Variants in ART3 observed in about 807,000 individuals in gnomAD.
ART3 encodes ecto-ADP-ribosyltransferase 3.
ART3 carries 49 observed loss-of-function variants against 48.5 expected under a neutral mutation model. The observed-to-expected ratio is 1.01, with a 90% CI of 0.80 to 1.28. The LOEUF is 1.28. Ranked by LOEUF, ART3 falls within the 50% of genes most tolerant of loss-of-function variation. ART3 has a pLI of 0.00. For missense variants in ART3, 438 were observed against 454.3 expected (o/e 0.96, Z 0.33); for synonymous variants, 145 against 157.2 (o/e 0.92, Z 0.58).
chr4:76,112,246 T>C, intron 11 of ART3, 140 bp from the exon 12 acceptor site: 1 of 1,022,972 alleles, frequency 9.8e-7, no homozygotes, highest in Non-Finnish European at 1.4e-6. Context: ...ATTTGAAAAT[T>C]GCTTTTGGCT....
chr4:76,054,451 G>C (rs1718484331), intron 1 of ART3, among the ~76,000 whole-genome samples: 1 of 152,086 alleles, frequency 6.6e-6, no homozygotes, highest in Non-Finnish European at 1.5e-5. Context: ...GGACAGGAAA[G>C]ATGTTTTTTG....
At chr4:76,066,381 CT>C (rs1719738017) in intron 1 of ART3, among the ~76,000 whole-genome samples, 1 of 152,098 alleles carries the variant, frequency 6.6e-6, no homozygotes, top group Admixed American at 6.5e-5. Context: ...GGTAGCTCCC[CT>C]CTGTGGGCAG....
chr4:76,081,664 G>A (rs963416955), intron 2 of ART3, among the ~76,000 whole-genome samples, 160 bp from the exon 3 acceptor site: 2 of 152,164 alleles, frequency 1.3e-5, no homozygotes, highest in African/African-American at 4.8e-5. Context: ...GTTATCAATA[G>A]CAATGGAATA....
Position 76,075,884 on chromosome 4 carries a change from A to C in ART3, c.-6A>C. ...AAATTTCTTTATTTTAATTTAGAAG[A>C]GAAAAATGAAGACGGGACATTTTGA... On this transcript the variant is annotated 5_prime_UTR_variant, in exon 2 of 12. Transcript: ENST00000355810. 6.2e-7 allele frequency: 1 copy of C among 1,609,876 alleles called. No homozygotes were observed. The highest frequency in any genetic ancestry group is 8.5e-7 in the Non-Finnish European group (1 of 1,177,908).
chr4:76,086,749 C>T (rs752097992), intron 3 of ART3, among the ~76,000 whole-genome samples: 3 of 152,158 alleles, frequency 2.0e-5, no homozygotes, highest in Admixed American at 1.3e-4. Flanking sequence ...AGGAAAGGTG[C>T]TCATTCTCAC....
chr4:76,077,428 G>A (rs1312682110), intron 2 of ART3, among the ~76,000 whole-genome samples: 4 of 151,992 alleles, frequency 2.6e-5, no homozygotes, highest in Non-Finnish European at 5.9e-5. Context: ...TGGACATTTG[G>A]GCTGTTTCCA....
At chr4:76,043,018 C>T (rs1296225216) in intron 1 of ART3, among the ~76,000 whole-genome samples, 8 of 151,810 alleles carry the variant, frequency 5.3e-5, no homozygotes, top group Non-Finnish European at 1.0e-4. Context: ...TACAGAGTGT[C>T]GACACAGAGG....
upstream of ART3, among the ~76,000 whole-genome samples, chr4:76,074,555 C>T (rs568479455): frequency 1.6e-4 from 25 of 152,170 alleles, no homozygotes; most frequent in Non-Finnish European, 2.9e-4. Flanking sequence ...TATGGCTTTA[C>T]AAGCCTCTTG....
chr4:76,015,019 T>TTAA (rs1732135294), intron 1 of ART3, among the ~76,000 whole-genome samples: 1 of 151,478 alleles, frequency 6.6e-6, no homozygotes, highest in Non-Finnish European at 1.5e-5. Context: ...CTAGGGGGAG[T>TTAA]TTATTACTAG....
intron 1 of ART3, among the ~76,000 whole-genome samples, chr4:76,043,427 C>T (rs999554970): frequency 5.9e-5 from 9 of 152,048 alleles, no homozygotes; most frequent in Non-Finnish European, 8.8e-5. Flanking sequence ...CTGCAGGTCC[C>T]GAGCCCTGCC....
chr4:76,022,773 T>TA, intron 1 of ART3: 1 of 1,613,142 alleles, frequency 6.2e-7, no homozygotes, highest in Non-Finnish European at 8.5e-7. Context: ...GGTTGATTAC[T>TA]AATGCTGATG....
chr4:76,045,456 T>C (rs1408317321), intron 1 of ART3, among the ~76,000 whole-genome samples: 1 of 151,956 alleles, frequency 6.6e-6, no homozygotes, highest in Non-Finnish European at 1.5e-5. Context: ...ATCCTTTCCT[T>C]GTATTATTTT....
At chr4:76,045,604 A>C (rs1486105592) in intron 1 of ART3, among the ~76,000 whole-genome samples, 1 of 151,996 alleles carries the variant, frequency 6.6e-6, no homozygotes, top group Non-Finnish European at 1.5e-5. Flanking sequence ...GGACTCCAAG[A>C]GCTATCTTGG....
At chr4:76,076,202 C>T (rs1157594735) in intron 2 of ART3, among the ~76,000 whole-genome samples, 1 of 152,020 alleles carries the variant, frequency 6.6e-6, no homozygotes, top group African/African-American at 2.4e-5. Flanking sequence ...GACGGGTTTT[C>T]ACCATGTTAG....
chr4:76,021,977 T>A (rs1465876842), intron 1 of ART3: 1 of 1,591,412 alleles, frequency 6.3e-7, no homozygotes, highest in Non-Finnish European at 8.6e-7. Context: ...GATATAAAAG[T>A]GTGATAGTCT....
chr4:76,023,871 A>G (rs1733122589), intron 1 of ART3, among the ~76,000 whole-genome samples: 1 of 152,244 alleles, frequency 6.6e-6, no homozygotes. Flanking sequence ...CCAGTAATAG[A>G]AATTTTTCAT....
chr4:76,089,718 A>C lies in ART3; in HGVS notation c.781+7183A>C, dbSNP rs1241881826. 1.1e-4 allele frequency among the ~76,000 whole-genome samples: 15 copies of C among 142,410 alleles called. No homozygotes were observed. In the Admixed American group the frequency reaches 1.1e-3, roughly 11 times the overall value. The allele number at this position is 142,410 out of a possible 152,430, so 93.4% of individuals were successfully genotyped here. A position where few individuals can be genotyped will look rare whatever the true frequency, so the allele number is the denominator to read the frequency against. On this transcript the variant is annotated intron_variant, in intron 3 of 11. Coordinates refer to ENST00000355810, the MANE Select transcript of ART3 (RefSeq NM_001130016.3). ...ACCTGTAGCTTTAAAACTGAGTTCT[A>C]CCTCAAGCTAGTAGTTCACACGGTG... is the stretch of plus-strand genomic sequence containing the variant.
chr4:76,022,510 A>G (rs1469942083), intron 1 of ART3: 32 of 1,550,212 alleles, frequency 2.1e-5, no homozygotes, highest in Non-Finnish European at 2.7e-5. Flanking sequence ...TCAATAAAAC[A>G]GATGGCATAC....
chr4:76,063,453 G>A (rs554147424), intron 1 of ART3, among the ~76,000 whole-genome samples: 3 of 152,154 alleles, frequency 2.0e-5, no homozygotes, highest in African/African-American at 7.2e-5. Flanking sequence ...TGGGAGTAAT[G>A]GGGAGAGAAA....
Sources: allele counts gnomAD v4.1 joint callset (sites outside exome capture counted in the v4.1 genomes callset), GRCh38; gene constraint gnomAD v4.1.1; transcripts MANE v1.5; gene names NCBI Gene and HGNC (gene_info 2026-07-23, HGNC 2026-07-21).